The following AGBL4 variants were observed in gnomAD, a reference collection of about 807,000 sequenced individuals.
The protein encoded by AGBL4 is cytosolic carboxypeptidase 6.
In AGBL4, 58 loss-of-function variants were observed where a neutral mutation model predicts 66.4. The ratio of observed to expected loss-of-function variants is 0.87; its 90% CI spans 0.71 to 1.09. The LOEUF is 1.09. Ranked by LOEUF, AGBL4 falls within the 50% of genes least tolerant of loss-of-function variation. The pLI, the probability that AGBL4 is intolerant of heterozygous loss-of-function variation, is 0.00. For missense variants in AGBL4, 579 were observed against 631.0 expected, an observed-to-expected ratio of 0.92 and a Z score of 0.88; for synonymous variants, 234 against 222.9, an observed-to-expected ratio of 1.05 and a Z score of -0.44.
intron 4 of AGBL4, among the ~76,000 whole-genome samples, chr1:49,107,797 A>G (rs1420926367): frequency 6.6e-6 from 1 of 151,968 alleles, no homozygotes; most frequent in Non-Finnish European, 1.5e-5. Context: ...TAAGAACATC[A>G]TATGCAGGAT....
intron 3 of AGBL4, among the ~76,000 whole-genome samples, chr1:49,470,285 T>C (rs1392191885): frequency 6.6e-6 from 1 of 152,000 alleles, no homozygotes; most frequent in Non-Finnish European, 1.5e-5. Context: ...TGTCAGATTA[T>C]ACTCGCTCCA....
intron 1 of AGBL4, among the ~76,000 whole-genome samples, chr1:49,953,562 C>T (rs1449666926): frequency 6.6e-6 from 1 of 151,716 alleles, no homozygotes; most frequent in South Asian, 2.1e-4. Context: ...AGGTTGAGCA[C>T]GCTTAATCCA....
chr1:48,852,999 G>A (rs1358144275), intron 6 of AGBL4, among the ~76,000 whole-genome samples: 1 of 152,078 alleles, frequency 6.6e-6, no homozygotes, highest in Admixed American at 6.5e-5. Context: ...AGGTGAATAG[G>A]GCTGACTTAC....
chr1:49,602,783 C>T (rs1325668403), intron 3 of AGBL4, among the ~76,000 whole-genome samples: 1 of 151,256 alleles, frequency 6.6e-6, no homozygotes, highest in Non-Finnish European at 1.5e-5. Context: ...ATGTAACAAA[C>T]CTCCACGTTC....
intron 6 of AGBL4, among the ~76,000 whole-genome samples, chr1:48,815,168 A>G (rs1646145435): frequency 6.6e-6 from 1 of 152,078 alleles, no homozygotes; most frequent in South Asian, 2.1e-4. Flanking sequence ...AGCATTTTCC[A>G]TATATTTTTT....
chr1:48,656,055 A>G (rs1042744410), intron 7 of AGBL4, among the ~76,000 whole-genome samples: 1 of 152,210 alleles, frequency 6.6e-6, no homozygotes, highest in Non-Finnish European at 1.5e-5. Flanking sequence ...TTCTGTAAAC[A>G]AGTTTGCCAG....
At chr1:49,320,909 G>A (rs1317864801) in intron 3 of AGBL4, among the ~76,000 whole-genome samples, 3 of 152,158 alleles carry the variant, frequency 2.0e-5, no homozygotes, top group Admixed American at 6.5e-5. Flanking sequence ...AAGGTGGCAG[G>A]AGAGAGAAAG....
At chr1:49,865,082 G>T (rs894548662) in intron 1 of AGBL4, among the ~76,000 whole-genome samples, 7 of 152,178 alleles carry the variant, frequency 4.6e-5, no homozygotes, top group Non-Finnish European at 5.9e-5. Flanking sequence ...CCAGCCAGGG[G>T]TTTACGGACA....
chr1:49,256,614 A>G (rs1417152248), intron 3 of AGBL4, among the ~76,000 whole-genome samples: 1 of 152,188 alleles, frequency 6.6e-6, no homozygotes, highest in Non-Finnish European at 1.5e-5. Context: ...CTAAAAACCC[A>G]TTGGAAGTGT....
At chr1:49,475,197 T>C (rs1310619993) in intron 3 of AGBL4, among the ~76,000 whole-genome samples, 1 of 152,032 alleles carries the variant, frequency 6.6e-6, no homozygotes, top group Non-Finnish European at 1.5e-5. Context: ...GAGATAATCT[T>C]ATGGGTTTTG....
At chr1:48,951,600 C>G (rs79495459) in intron 5 of AGBL4, among the ~76,000 whole-genome samples, 1 of 152,154 alleles carries the variant, frequency 6.6e-6, no homozygotes, top group African/African-American at 2.4e-5. Context: ...CTCTCATTCT[C>G]TTTCTGCCAT....
At chr1:48,576,131 C>T (rs1030453455) in intron 11 of AGBL4, among the ~76,000 whole-genome samples, 1 of 152,130 alleles carries the variant, frequency 6.6e-6, no homozygotes, top group Admixed American at 6.5e-5. Context: ...CAGGCTGCAC[C>T]GCAGGAGGTG....
At chr1:50,011,707 G>GA (rs1376508493) in intron 1 of AGBL4, among the ~76,000 whole-genome samples, 1 of 152,170 alleles carries the variant, frequency 6.6e-6, no homozygotes, top group Non-Finnish European at 1.5e-5. Context: ...AGCTAAAAAA[G>GA]AATGAGATCC....
At chr1:48,761,789 C>A (rs1357121300) in intron 6 of AGBL4, among the ~76,000 whole-genome samples, 1 of 152,140 alleles carries the variant, frequency 6.6e-6, no homozygotes, top group Non-Finnish European at 1.5e-5. Flanking sequence ...ATTGGAACAG[C>A]CCTTAGATTG....
At chr1:48,634,394 T>C (rs1183593087) in intron 9 of AGBL4, 99 bp downstream of exon 9, 2 of 963,086 alleles carry the variant, frequency 2.1e-6, no homozygotes, top group Non-Finnish European at 3.1e-6. Flanking sequence ...AGCTATGTAT[T>C]CCTAATTTGC....
intron 6 of AGBL4, among the ~76,000 whole-genome samples, chr1:48,821,450 G>A (rs549463570): frequency 3.3e-5 from 5 of 152,274 alleles, no homozygotes; most frequent in African/African-American, 1.2e-4. Context: ...CAGCAACATG[G>A]ATGGATCTGG....
intron 5 of AGBL4, among the ~76,000 whole-genome samples, chr1:48,876,028 A>C (rs1329548306): frequency 6.6e-6 from 1 of 152,312 alleles, no homozygotes; most frequent in African/African-American, 2.4e-5. Flanking sequence ...ACACACCTGG[A>C]GCAGCCTCTG....
intron 6 of AGBL4, among the ~76,000 whole-genome samples, chr1:48,740,256 G>A (rs1027607160): frequency 6.6e-6 from 1 of 152,158 alleles, no homozygotes. Flanking sequence ...GTCACCTGGA[G>A]CAATGTTCAG....
intron 11 of AGBL4, among the ~76,000 whole-genome samples, chr1:48,578,753 A>T (rs959922860): frequency 6.6e-6 from 1 of 152,094 alleles, no homozygotes; most frequent in African/African-American, 2.4e-5. Context: ...CTTCCACTTC[A>T]TTCATTCATT....
Sources: gnomAD v4.1 joint callset for allele counts (sites outside exome capture counted in the v4.1 genomes callset) on GRCh38, gnomAD v4.1.1 for gene constraint, MANE v1.5 for transcripts, NCBI Gene and HGNC (gene_info 2026-07-23, HGNC 2026-07-21) for gene names.